The following DOCK7 variants were observed in gnomAD, a reference collection of about 807,000 sequenced individuals.
DOCK7 encodes the protein dedicator of cytokinesis 7.
DOCK7 carries 138 observed loss-of-function variants against 271.0 expected under a neutral mutation model. The observed-to-expected ratio is 0.51, with a 90% confidence interval of 0.44 to 0.59. DOCK7 has a LOEUF of 0.59. DOCK7 is among the 20% of genes least tolerant of loss of function. The probability of loss-of-function intolerance (pLI) is 0.00; values close to 1 mark genes in which losing one functional copy is unlikely to be tolerated. For synonymous variants in DOCK7, 823 were observed against 876.1 expected (o/e 0.94, Z 1.07); for missense variants, 2,066 against 2,592.4 (o/e 0.80, Z 4.41).
rs575430701 is a variant in DOCK7, at chr1:62,605,669, C to T, written c.1682+13037G>A. On this transcript the variant is annotated intron_variant, in intron 14 of 49. Transcript: ENST00000635253. ...CCCTAAATATGCTGTGATTCTAATACATTCGTGTAGGTTTTCAAGTAGAAA... is the reference window on the plus strand; with the variant it reads ...CCCTAAATATGCTGTGATTCTAATATATTCGTGTAGGTTTTCAAGTAGAAA... The T allele has an allele frequency of 3.3e-5, 5 of 152,452 alleles. No homozygotes were observed. The South Asian group carries it at 1.0e-3, about 32-fold the overall frequency. 9.4% of individuals were successfully genotyped at this position (152,452 alleles called of 1,614,324 possible). A position where few individuals can be genotyped will look rare whatever the true frequency, so the allele number is the denominator to read the frequency against.
At position 62,616,097 on chromosome 1, in the gene DOCK7, C is replaced by G. The variant is rs111735717; in HGVS notation, c.1682+2609G>C. On this transcript the variant is annotated intron_variant, in intron 14 of 49. Coordinates refer to ENST00000635253, the MANE Select transcript of DOCK7 (RefSeq NM_001367561.1). ...AACTCAAAAAGCAAAACCATACTAA[C>G]TTATAATTTATAAAATCCCCTTAAA... Among the ~76,000 whole-genome samples the G allele has an allele frequency of 9.5e-3, 1,438 of 151,874 alleles. 10 individuals carry two copies. Among genetic ancestry groups the G allele is most frequent in the Non-Finnish European group, 0.016 (1,056 of 67,704 alleles).
intron 48 of DOCK7, among the ~76,000 whole-genome samples, chr1:62,464,742 G>A (rs775831533): frequency 6.6e-6 from 1 of 151,960 alleles, no homozygotes; most frequent in Non-Finnish European, 1.5e-5. Context: ...TTAAATGCAA[G>A]GTGTATTGAG....
chr1:62,562,524 T>C (rs956375251), intron 18 of DOCK7, among the ~76,000 whole-genome samples: 5 of 152,034 alleles, frequency 3.3e-5, no homozygotes, highest in Non-Finnish European at 7.4e-5. Flanking sequence ...CGAAAACATT[T>C]TTTCAGAAGT....
At chr1:62,514,320 G>A (rs1415569063) in intron 31 of DOCK7, among the ~76,000 whole-genome samples, 1 of 152,090 alleles carries the variant, frequency 6.6e-6, no homozygotes, top group Non-Finnish European at 1.5e-5. Context: ...ACAAAATCAT[G>A]TATGTCAGAC....
intron 14 of DOCK7, among the ~76,000 whole-genome samples, chr1:62,590,139 A>C (rs540541152): frequency 3.3e-5 from 5 of 152,298 alleles, no homozygotes; most frequent in Admixed American, 2.6e-4. Context: ...AGTACTGAAA[A>C]AATTCAACGG....
At chr1:62,578,656 A>G (rs1401475680) in intron 17 of DOCK7, among the ~76,000 whole-genome samples, 172 bp downstream of exon 17, 1 of 124,048 alleles carries the variant, frequency 8.1e-6, no homozygotes, top group African/African-American at 3.0e-5. Flanking sequence ...CAGGAAACGG[A>G]GGTTGCAGTG....
rs200798806 is a variant in DOCK7, at chr1:62,655,425, C to CTT, written c.145-1268_145-1267dup. ...TTGGACTGAACTTTTTTTTTCTTTT[C>CTT]TTTTTTTTTTTTTTTTTGAGACGGG... On this transcript the variant is annotated intron_variant, in intron 2 of 49. Coordinates refer to ENST00000635253, the MANE Select transcript of DOCK7 (RefSeq NM_001367561.1). Among the ~76,000 whole-genome samples, 296 of 86,330 alleles carry CTT rather than the reference C, an allele frequency of 3.4e-3. 2 individuals are homozygous for CTT. Among genetic ancestry groups the CTT allele is most frequent in the African/African-American group, 8.7e-3 (279 of 31,912 alleles). The allele number at this position is 86,330 out of a possible 152,430, so 56.6% of individuals were successfully genotyped here.
At chr1:62,556,191 G>A (rs1382513942) in intron 20 of DOCK7, among the ~76,000 whole-genome samples, 4 of 151,982 alleles carry the variant, frequency 2.6e-5, no homozygotes, top group African/African-American at 9.7e-5. Context: ...AACAAAATGA[G>A]AACTCATTTT....
rs1646493394 is a variant in DOCK7, at chr1:62,492,399, C to T, written c.5361+305G>A. 5.6e-5 allele frequency: 16 copies of T among 285,366 alleles called. No individual in the cohort carries two copies. The South Asian group carries it at 6.1e-4, about 11-fold the overall frequency. The allele number at this position is 285,366 out of a possible 1,614,324, so 17.7% of individuals were successfully genotyped here. On this transcript the variant is annotated intron_variant, in intron 41 of 49. Coordinates refer to ENST00000635253, the MANE Select transcript of DOCK7 (RefSeq NM_001367561.1). ...AACCTCTTGGGCTCAAGCAATCCTC[C>T]CACCTCAGCCTCTCAAGTAGCTGGG...
In DOCK7 at chr1:62,508,046, C is replaced by A; in HGVS notation, c.4392G>T (p.Glu1464Asp). Residue 1464 changes from glutamate to aspartate, a missense_variant, in exon 35 of 50, where the codon GAG becomes GAT. By Grantham distance (45) the Glu-to-Asp change is conservative (BLOSUM62 2). This residue lies in a region of DOCK7 where 652 missense variants were observed against 922.1 expected (regional missense o/e 0.71). Transcript: ENST00000635253. ...NTEKLDKSRA[E>D]IEHEALIDGN... Reference sequence around the variant, plus strand: ...CATCAATCAGTGCTTCGTGTTCAATCTCTGCTCTTGATCTAATACAAAATA... The same window carrying A: ...CATCAATCAGTGCTTCGTGTTCAATATCTGCTCTTGATCTAATACAAAATA... 1 of 1,609,002 alleles carries A rather than the reference C, an allele frequency of 6.2e-7. No individual in the cohort carries two copies. Among genetic ancestry groups the A allele is most frequent in the Non-Finnish European group, 8.5e-7 (1 of 1,178,802 alleles).
At position 62,492,845 on chromosome 1, in the gene DOCK7, A is replaced by G; in HGVS notation, c.5220T>C (p.Asn1740=). The G allele has an allele frequency of 6.2e-7, 1 of 1,606,130 alleles. No individual in the cohort carries two copies. The highest frequency in any genetic ancestry group is 8.5e-7 in the Non-Finnish European group (1 of 1,177,592). The change falls in exon 41 of 50, where the codon AAT becomes AAC. Residue 1740 remains asparagine, a splice_region_variant and synonymous_variant. Transcript: ENST00000635253. ...ATTCTTCTAAAACATTAGATGAAAT[A>G]TTCTAGGGAAAAAATATATTGAAAA... The part of the protein sequence containing the change: ...YLPVGCVTFQ[N]ISSNVLEESA...
chr1:62,548,614 T>A (rs997949913), intron 22 of DOCK7, among the ~76,000 whole-genome samples: 1 of 151,988 alleles, frequency 6.6e-6, no homozygotes, highest in African/African-American at 2.4e-5. Context: ...AGAGACGGGG[T>A]TTCTCCATGT....
At chr1:62,478,057 T>C (rs931497107) in intron 43 of DOCK7, 18 of 423,316 alleles carry the variant, frequency 4.3e-5, no homozygotes, top group Middle Eastern at 6.3e-4. Context: ...CTAAATCACA[T>C]ATAATATTTT....
intron 1 of DOCK7, among the ~76,000 whole-genome samples, chr1:62,679,891 C>T (rs989614053): frequency 6.6e-6 from 1 of 152,078 alleles, no homozygotes; most frequent in African/African-American, 2.4e-5. Context: ...TAAAAGAGGA[C>T]ACAAACAAAT....
At chr1:62,542,802 A>G in intron 24 of DOCK7, 99 bp from the exon 25 acceptor site, 4 of 1,126,602 alleles carry the variant, frequency 3.6e-6, no homozygotes, top group Non-Finnish European at 5.2e-6. Context: ...AATGAGAATA[A>G]GCAAAATAAG....
chr1:62,629,661 T>A (rs1460982822), intron 11 of DOCK7: 1 of 152,212 alleles, frequency 6.6e-6, no homozygotes, highest in Non-Finnish European at 1.5e-5. Context: ...TCTGTAGCAG[T>A]GGTTGCAGAA....
chr1:62,500,492 A>G (rs1285509612), intron 37 of DOCK7, among the ~76,000 whole-genome samples: 1 of 152,068 alleles, frequency 6.6e-6, no homozygotes, highest in African/African-American at 2.4e-5. Flanking sequence ...ACAGGAACAA[A>G]ACAAGTATTT....
intron 18 of DOCK7, among the ~76,000 whole-genome samples, chr1:62,566,717 G>A (rs1176760438): frequency 6.6e-6 from 1 of 152,134 alleles, no homozygotes; most frequent in African/African-American, 2.4e-5. Context: ...AAACTAAAGA[G>A]CTTCTGCACA....
At chr1:62,684,036 T>G (rs1661457940) in intron 1 of DOCK7, among the ~76,000 whole-genome samples, 1 of 152,204 alleles carries the variant, frequency 6.6e-6, no homozygotes, top group South Asian at 2.1e-4. Flanking sequence ...GGTCAGGAGT[T>G]CGAGACCAGT....
Sources: gnomAD v4.1 joint callset for allele counts (sites outside exome capture counted in the v4.1 genomes callset) on GRCh38, gnomAD v4.1.1 for gene constraint, gnomAD v4.1.1 regional missense constraint, MANE v1.5 for transcripts, NCBI Gene and HGNC (gene_info 2026-07-23, HGNC 2026-07-21) for gene names.